Variants in SCN4B observed in about 807,000 individuals in gnomAD.
SCN4B encodes sodium voltage-gated channel beta subunit 4.
SCN4B carries 20 observed loss-of-function variants against 19.6 expected under a neutral mutation model. That is an observed-to-expected ratio of 1.02 (90% CI 0.72 to 1.48). SCN4B has a LOEUF of 1.48. SCN4B is among the 40% of genes most tolerant of loss of function. The pLI is 0.00. For synonymous variants in SCN4B, 127 were observed against 122.8 expected (o/e 1.03, Z -0.22); for missense variants, 271 against 287.5 (o/e 0.94, Z 0.42).
rs2135495565 is a variant in SCN4B at position 118,135,682 on chromosome 11, G to A, written c.*1345C>T. The A allele has an allele frequency of 2.2e-6, 1 of 454,450 alleles. No individual in the cohort carries two copies. Among genetic ancestry groups the A allele is most frequent in the East Asian group, 7.0e-5 (1 of 14,372 alleles). The allele number at this position is 454,450 out of a possible 1,614,324, so 28.2% of individuals were successfully genotyped here. ...TGGCCCCCTCTATGACCCTGGGGAG[G>A]GGAGGGCTGGCGAACCCTCACCAGC... On this transcript the variant is annotated 3_prime_UTR_variant, in exon 5 of 5. Coordinates refer to ENST00000324727, the MANE Select transcript of SCN4B (RefSeq NM_174934.4).
chr11:118,140,829 G>A (rs1202477462), intron 4 of SCN4B, among the ~76,000 whole-genome samples: 1 of 152,086 alleles, frequency 6.6e-6, no homozygotes, highest in African/African-American at 2.4e-5. Flanking sequence ...TAGAGTCTCT[G>A]TACATGGAAT....
chr11:118,144,125 A>G, intron 2 of SCN4B, 64 bp from the exon 3 acceptor site: 1 of 1,084,774 alleles, frequency 9.2e-7, no homozygotes, highest in Non-Finnish European at 1.4e-6. Flanking sequence ...CTCAAGGGTC[A>G]TGACATCACA....
chr11:118,144,595 G>T (rs1948144195), intron 2 of SCN4B, among the ~76,000 whole-genome samples: 1 of 152,102 alleles, frequency 6.6e-6, no homozygotes, highest in South Asian at 2.1e-4. Flanking sequence ...GTACAATCTA[G>T]TGAGTTCACT....
chr11:118,144,050 C>G lies in SCN4B; in HGVS notation c.246G>C (p.Gly82=). 1 of 1,611,726 alleles carries G rather than the reference C, an allele frequency of 6.2e-7. No homozygotes were observed. The highest frequency in any genetic ancestry group is 1.1e-5 in the South Asian group (1 of 91,044). ...GGTCAGACTTCTCATTCTTCACAGT[C>G]CCCTCTATGAGCTGGTGGAGGAAGG... ...SSDAFKILIE[G]TVKNEKSDPK... The change falls in exon 3 of 5, where the codon GGG becomes GGC. Residue 82 remains glycine, a synonymous_variant. Coordinates refer to ENST00000324727, the MANE Select transcript of SCN4B (RefSeq NM_174934.4).
rs1322659394 is a variant in SCN4B at position 118,136,534 on chromosome 11, C to T, written c.*493G>A. The T allele has an allele frequency of 2.2e-6, 1 of 454,050 alleles. No individual in the cohort carries two copies. The highest frequency in any genetic ancestry group is 4.4e-6 in the Non-Finnish European group (1 of 226,818). The allele number at this position is 454,050 out of a possible 1,614,324, so 28.1% of individuals were successfully genotyped here. On this transcript the variant is annotated 3_prime_UTR_variant, in exon 5 of 5. Transcript: ENST00000324727. ...AGGCAGTCTCTCACTGTGGGCCTGC[C>T]CCCATCAGCCCCCACCCCAGGTCTT...
intron 1 of SCN4B, among the ~76,000 whole-genome samples, chr11:118,145,878 C>G (rs1948167220): frequency 6.6e-6 from 1 of 152,216 alleles, no homozygotes; most frequent in Non-Finnish European, 1.5e-5. Flanking sequence ...CCGACGCCCT[C>G]TGGCCGCCAA....
chr11:118,138,536 T>C (rs564350077), intron 4 of SCN4B, among the ~76,000 whole-genome samples: 1 of 152,276 alleles, frequency 6.6e-6, no homozygotes, highest in East Asian at 1.9e-4. Context: ...ACCTAAGGCA[T>C]AGTTAACCCA....
intron 3 of SCN4B, 96 bp from the exon 4 acceptor site, chr11:118,141,432 C>T (rs1339367785): frequency 1.5e-5 from 22 of 1,497,002 alleles, no homozygotes; most frequent in Non-Finnish European, 1.8e-5. Flanking sequence ...CATGTAGCCT[C>T]CACCCCCTGG....
chr11:118,151,122 G>GCACACACACACA lies in SCN4B; in HGVS notation c.61+1479_61+1490dup, dbSNP rs3837425. ...TGCCTACAATCCCCCTTACACACGT[G>GCACACACACACA]CACACACACACACACACACACACAC... On this transcript the variant is annotated intron_variant, in intron 1 of 4. Coordinates refer to ENST00000324727, the MANE Select transcript of SCN4B (RefSeq NM_174934.4). Among the ~76,000 whole-genome samples, 98 of 149,246 alleles carry GCACACACACACA rather than the reference G, an allele frequency of 6.6e-4. 1 individual carries two copies. Among genetic ancestry groups the GCACACACACACA allele is most frequent in the African/African-American group, 2.3e-3 (93 of 40,576 alleles).
intron 3 of SCN4B, among the ~76,000 whole-genome samples, chr11:118,143,025 G>A (rs967876810): frequency 5.3e-5 from 8 of 152,252 alleles, no homozygotes; most frequent in East Asian, 1.9e-4. Context: ...GCAAACTCCC[G>A]GTACACACAA....
At chr11:118,138,552 T>A (rs1948054010) in intron 4 of SCN4B, among the ~76,000 whole-genome samples, 1 of 152,146 alleles carries the variant, frequency 6.6e-6, no homozygotes, top group African/African-American at 2.4e-5. Flanking sequence ...ACCCAGCCAA[T>A]TACGACCCAC....
At position 118,134,334 on chromosome 11, in the gene SCN4B, C is replaced by T. The variant is rs1376098232; in HGVS notation, c.*2693G>A. On this transcript the variant is annotated 3_prime_UTR_variant, in exon 5 of 5. Transcript: ENST00000324727. ...CTCAAGATCGACTTTGTAAGTGGCTCTCTCTAGCCCACAAGCCCTGGAAGC... is the reference window on the plus strand; with the variant it reads ...CTCAAGATCGACTTTGTAAGTGGCTTTCTCTAGCCCACAAGCCCTGGAAGC... The T allele has an allele frequency of 2.2e-6, 1 of 454,122 alleles. No homozygotes were observed. The highest frequency in any genetic ancestry group is 2.3e-5 in the Admixed American group (1 of 42,582). 28.1% of individuals were successfully genotyped at this position (454,122 alleles called of 1,614,324 possible).
chr11:118,148,709 CT>C lies in SCN4B; in HGVS notation c.62-3481del, dbSNP rs2135508181. Among the ~76,000 whole-genome samples, 1 of 152,304 alleles carries C rather than the reference CT, an allele frequency of 6.6e-6. No individual in the cohort carries two copies. Among genetic ancestry groups the C allele is most frequent in the Admixed American group, 6.5e-5 (1 of 15,304 alleles). ...CTCATCACAGGTAACCAGGGCACCCCTAGCTTCCCTGAATAACCAGTGTCAG... is the reference window on the plus strand; with the variant it reads ...CTCATCACAGGTAACCAGGGCACCCCAGCTTCCCTGAATAACCAGTGTCAG... On this transcript the variant is annotated intron_variant, in intron 1 of 4. Coordinates refer to ENST00000324727, the MANE Select transcript of SCN4B (RefSeq NM_174934.4). This position sits in a 1 kb window ranked among gnomAD's most constrained non-coding sequence, Gnocchi z 4.0.
rs1264381989 is a variant in SCN4B, at chr11:118,135,394, G to A, written c.*1633C>T. 2.2e-6 allele frequency: 1 copy of A among 454,112 alleles called. No homozygotes were observed. The highest frequency in any genetic ancestry group is 1.6e-5 in the South Asian group (1 of 64,478). 28.1% of individuals were successfully genotyped at this position (454,112 alleles called of 1,614,324 possible). A position where few individuals can be genotyped will look rare whatever the true frequency, so the allele number is the denominator to read the frequency against. On this transcript the variant is annotated 3_prime_UTR_variant, in exon 5 of 5. Coordinates refer to ENST00000324727, the MANE Select transcript of SCN4B (RefSeq NM_174934.4). ...GACCCCAAACTCTCTGAAAAAGGGG[G>A]CTACTCCTCTCTCATCCCTCCTAGG...
At chr11:118,146,792 C>G (rs1948182560) in intron 1 of SCN4B, among the ~76,000 whole-genome samples, 1 of 152,210 alleles carries the variant, frequency 6.6e-6, no homozygotes, top group African/African-American at 2.4e-5. Flanking sequence ...ACGGCCTGTC[C>G]TATGAGTCAC....
At chr11:118,142,322 T>C (rs1948109804) in intron 3 of SCN4B, among the ~76,000 whole-genome samples, 1 of 152,230 alleles carries the variant, frequency 6.6e-6, no homozygotes, top group Non-Finnish European at 1.5e-5. Flanking sequence ...TCTTCACGCA[T>C]CTGCCTCAAG....
Position 118,151,663 on chromosome 11 carries a change from T to C in SCN4B, c.61+950A>G, listed in dbSNP as rs1239865530. Reference sequence around the variant, plus strand: ...TCTCCCTGTTTTCAGCAGAAATACCTACACCGTGTGTCTTACCCAATGCAG... The same window carrying C: ...TCTCCCTGTTTTCAGCAGAAATACCCACACCGTGTGTCTTACCCAATGCAG... On this transcript the variant is annotated intron_variant, in intron 1 of 4. Coordinates refer to ENST00000324727, the MANE Select transcript of SCN4B (RefSeq NM_174934.4). Among the ~76,000 whole-genome samples, 5 of 152,210 alleles carry C rather than the reference T, an allele frequency of 3.3e-5. No homozygotes were observed. In the East Asian group the frequency reaches 9.6e-4, roughly 29 times the overall value.
chr11:118,140,491 C>T (rs1379107692), intron 4 of SCN4B, among the ~76,000 whole-genome samples: 1 of 152,208 alleles, frequency 6.6e-6, no homozygotes, highest in Non-Finnish European at 1.5e-5. Flanking sequence ...AATGGGAAGC[C>T]ATCTCGTCGC....
Position 118,135,846 on chromosome 11 carries a change from A to G in SCN4B, c.*1181T>C, listed in dbSNP as rs1226552725. ...CCAGCTCTGGGAGAAGCAAAGGAAA[A>G]CTGTGGGCACCCACTCCCTGCTCCT... On this transcript the variant is annotated 3_prime_UTR_variant, in exon 5 of 5. Transcript: ENST00000324727. The G allele has an allele frequency of 2.2e-6, 1 of 454,354 alleles. No homozygotes were observed. The highest frequency in any genetic ancestry group is 2.3e-5 in the Admixed American group (1 of 42,570). 28.1% of individuals were successfully genotyped at this position (454,354 alleles called of 1,614,324 possible).
Sources: gnomAD v4.1 joint callset for allele counts (sites outside exome capture counted in the v4.1 genomes callset) on GRCh38, gnomAD v4.1.1 for gene constraint, Gnocchi (gnomAD v3.1) non-coding constraint, MANE v1.5 for transcripts, NCBI Gene and HGNC (gene_info 2026-07-23, HGNC 2026-07-21) for gene names.